Variants in PTPRO observed in about 807,000 individuals in gnomAD.
PTPRO encodes receptor-type tyrosine-protein phosphatase O.
Under a neutral mutation model 145.2 loss-of-function variants are expected in PTPRO, and 62 were observed. The observed-to-expected ratio is 0.43, with a 90% CI of 0.35 to 0.53. The LOEUF is 0.53. PTPRO is among the 20% of genes least tolerant of loss of function. The probability of loss-of-function intolerance (pLI) is 0.01; values close to 1 mark genes in which losing one functional copy is unlikely to be tolerated. For synonymous variants in PTPRO, 565 were observed against 514.7 expected (o/e 1.10, Z -1.32); for missense variants, 1,345 against 1,482.7 (o/e 0.91, Z 1.53).
intron 1 of PTPRO, among the ~76,000 whole-genome samples, chr12:15,351,934 C>T (rs965828946): frequency 6.6e-6 from 1 of 152,078 alleles, no homozygotes; most frequent in African/African-American, 2.4e-5. Context: ...ATGTGATTTG[C>T]AATAACTGTG....
chr12:15,356,016 T>C (rs1178505824), intron 1 of PTPRO, among the ~76,000 whole-genome samples: 4 of 152,170 alleles, frequency 2.6e-5, no homozygotes, highest in Non-Finnish European at 5.9e-5. Flanking sequence ...GTGACTGGAG[T>C]GTTGCCTGAG....
intron 1 of PTPRO, among the ~76,000 whole-genome samples, chr12:15,433,859 G>A (rs1940521940): frequency 6.6e-6 from 1 of 152,090 alleles, no homozygotes; most frequent in Non-Finnish European, 1.5e-5. Context: ...TATTCTATAT[G>A]AATTTTAAAA....
intron 1 of PTPRO, among the ~76,000 whole-genome samples, chr12:15,437,304 A>T (rs954112575): frequency 6.6e-6 from 1 of 151,726 alleles, no homozygotes; most frequent in Non-Finnish European, 1.5e-5. Context: ...CAGCAGCCAG[A>T]GTCACCCCAC....
intron 1 of PTPRO, among the ~76,000 whole-genome samples, chr12:15,324,725 A>G (rs941093731): frequency 1.3e-5 from 2 of 152,182 alleles, no homozygotes; most frequent in Non-Finnish European, 2.9e-5. Flanking sequence ...AAAAAACTGT[A>G]TATATTAAAT....
chr12:15,490,157 T>A (rs1941970788), intron 2 of PTPRO, among the ~76,000 whole-genome samples: 1 of 152,232 alleles, frequency 6.6e-6, no homozygotes, highest in South Asian at 2.1e-4. Flanking sequence ...AGCCAAGAGA[T>A]CCTGAATCCT....
At chr12:15,323,420 C>A (rs1340827425) in intron 1 of PTPRO, among the ~76,000 whole-genome samples, 1 of 152,102 alleles carries the variant, frequency 6.6e-6, no homozygotes, top group South Asian at 2.1e-4. Flanking sequence ...GATGATATTA[C>A]CCCTAGATTT....
intron 2 of PTPRO, among the ~76,000 whole-genome samples, chr12:15,494,685 GA>G (rs3838354): frequency 0.098 from 14,826 of 152,044 alleles, 845 homozygotes; most frequent in East Asian, 0.24. Flanking sequence ...GCTTGTTGCA[GA>G]AAAAAAATTG....
chr12:15,576,963 A>T lies in PTPRO; in HGVS notation c.2830-1890A>T, dbSNP rs548771024. ...AAATAAACTTATAACTACCAAAAGG[A>T]ACTAACCTAAACATCACACTGATTT... On this transcript the variant is annotated intron_variant, in intron 19 of 26. Coordinates refer to ENST00000281171, the MANE Select transcript of PTPRO (RefSeq NM_030667.3). Among the ~76,000 whole-genome samples, 3 of 152,310 alleles carry T rather than the reference A, an allele frequency of 2.0e-5. No individual in the cohort carries two copies. In the South Asian group the frequency reaches 6.2e-4, roughly 32 times the overall value.
At chr12:15,351,853 G>A (rs1029939305) in intron 1 of PTPRO, among the ~76,000 whole-genome samples, 1 of 151,954 alleles carries the variant, frequency 6.6e-6, no homozygotes, top group African/African-American at 2.4e-5. Context: ...TTTTTATTGC[G>A]TGCAAACACT....
At position 15,455,549 on chromosome 12, in the gene PTPRO, T is replaced by C. The variant is rs115946327; in HGVS notation, c.76-28425T>C. On this transcript the variant is annotated intron_variant, in intron 1 of 26. Coordinates refer to ENST00000281171, the MANE Select transcript of PTPRO (RefSeq NM_030667.3). Reference sequence around the variant, plus strand: ...TTCATTAATGTTTTGTGGTTTTTAGTACAAGTCATTTACCACTATAATTAT... The same window carrying C: ...TTCATTAATGTTTTGTGGTTTTTAGCACAAGTCATTTACCACTATAATTAT... Among the ~76,000 whole-genome samples, 354 of 152,326 alleles carry C rather than the reference T, an allele frequency of 2.3e-3. 2 individuals are homozygous for C. The highest frequency in any genetic ancestry group is 8.1e-3 in the African/African-American group (336 of 41,584).
chr12:15,410,905 T>C (rs1426435513), intron 1 of PTPRO: 3 of 152,178 alleles, frequency 2.0e-5, no homozygotes, highest in East Asian at 3.8e-4. Flanking sequence ...GTCCCTGACC[T>C]ACTAATTTTC....
intron 1 of PTPRO, among the ~76,000 whole-genome samples, chr12:15,381,221 A>G (rs1938851655): frequency 6.6e-6 from 1 of 152,182 alleles, no homozygotes; most frequent in African/African-American, 2.4e-5. Context: ...TCTACATCGC[A>G]AAGTTTATTC....
Position 15,515,524 on chromosome 12 carries a change from A to G in PTPRO, c.1491A>G (p.Glu497=), listed in dbSNP as rs141151359. ...TQVNSSKPII[E]NLVPGAQYQV... Reference sequence around the variant, plus strand: ...TGAACTCAAGCAAACCTATTATTGAAAATCTGGTTCCTGGTGCCCAGTACC... The same window carrying G: ...TGAACTCAAGCAAACCTATTATTGAGAATCTGGTTCCTGGTGCCCAGTACC... Residue 497 remains glutamate (E), a synonymous_variant, in exon 8 of 27, where the codon GAA becomes GAG. Transcript: ENST00000281171. 158 of 1,614,006 alleles carry G rather than the reference A, an allele frequency of 9.8e-5. No homozygotes were observed. In the Admixed American group the frequency reaches 1.7e-3, roughly 17 times the overall value.
At chr12:15,406,405 T>G (rs1939648905) in intron 1 of PTPRO, among the ~76,000 whole-genome samples, 1 of 152,184 alleles carries the variant, frequency 6.6e-6, no homozygotes, top group African/African-American at 2.4e-5. Context: ...TCAATCATGA[T>G]CCCCAGCAAG....
chr12:15,359,188 C>G (rs1212382902), intron 1 of PTPRO, among the ~76,000 whole-genome samples: 1 of 152,164 alleles, frequency 6.6e-6, no homozygotes, highest in Non-Finnish European at 1.5e-5. Flanking sequence ...TTGTAGACCA[C>G]TAAATGCAAA....
intron 1 of PTPRO, among the ~76,000 whole-genome samples, chr12:15,463,946 T>C (rs1224435531): frequency 6.6e-6 from 1 of 152,172 alleles, no homozygotes; most frequent in African/African-American, 2.4e-5. Flanking sequence ...GATAGATAAA[T>C]TTAATTTTAC....
At chr12:15,541,793 C>T (rs549397306) in intron 12 of PTPRO, among the ~76,000 whole-genome samples, 1 of 152,284 alleles carries the variant, frequency 6.6e-6, no homozygotes, top group South Asian at 2.1e-4. Context: ...GGGTGGATCA[C>T]TTGAGGTGAG....
At chr12:15,439,460 C>T (rs556107705) in intron 1 of PTPRO, 1 of 201,596 alleles carries the variant, frequency 5.0e-6, no homozygotes, top group Non-Finnish European at 1.0e-5. Flanking sequence ...AATGCACGAC[C>T]TAAAAGACAC....
intron 1 of PTPRO, among the ~76,000 whole-genome samples, chr12:15,386,129 T>C (rs1490031891): frequency 6.6e-6 from 1 of 151,910 alleles, no homozygotes; most frequent in Non-Finnish European, 1.5e-5. Flanking sequence ...CTCACAAATA[T>C]GAACTCAAGC....
Sources: allele counts gnomAD v4.1 joint callset (sites outside exome capture counted in the v4.1 genomes callset), GRCh38; gene constraint gnomAD v4.1.1; transcripts MANE v1.5; gene names NCBI Gene and HGNC (gene_info 2026-07-23, HGNC 2026-07-21).